Variants in TSPAN18 observed in about 807,000 individuals in gnomAD.
TSPAN18 encodes tetraspanin-18.
Under a neutral mutation model 27.3 loss-of-function variants are expected in TSPAN18, and 14 were observed. The observed-to-expected ratio is 0.51, with a 90% CI of 0.34 to 0.80. TSPAN18 has a LOEUF of 0.80. Among genes scored for constraint, TSPAN18 ranks in the 30% least tolerant of loss-of-function variants. TSPAN18 has a pLI of 0.01. For synonymous variants in TSPAN18, 143 were observed against 136.5 expected (o/e 1.05, Z -0.33); for missense variants, 268 against 323.9 (o/e 0.83, Z 1.32).
At chr11:44,878,576 TG>T (rs1304342149) in intron 3 of TSPAN18, among the ~76,000 whole-genome samples, 2 of 152,300 alleles carry the variant, frequency 1.3e-5, no homozygotes, top group Non-Finnish European at 2.9e-5. Flanking sequence ...CACGGGGCCC[TG>T]GGGTACTTCT....
At chr11:44,897,481 T>C (rs922672628) in intron 3 of TSPAN18, among the ~76,000 whole-genome samples, 8 of 152,162 alleles carry the variant, frequency 5.3e-5, no homozygotes, top group Admixed American at 2.0e-4. Context: ...ATGAAGCCCA[T>C]GCTAGAATCT....
rs835865 is a variant in TSPAN18, at chr11:44,897,776, C to T, written c.-10-8631C>T. ...GCTGGGCCGATAAAAGAAATATACACAAGCCTCGCTGACGGGAGAGTCTGT... is the reference window on the plus strand; with the variant it reads ...GCTGGGCCGATAAAAGAAATATACATAAGCCTCGCTGACGGGAGAGTCTGT... On this transcript the variant is annotated intron_variant, in intron 3 of 9. Coordinates refer to ENST00000520358, the MANE Select transcript of TSPAN18 (RefSeq NM_130783.5). The T allele has an allele frequency of 9.3e-4, 1,198 of 1,289,358 alleles. 9 individuals carry two copies. In the African/African-American group the frequency reaches 0.016, roughly 18 times the overall value. 79.9% of individuals were successfully genotyped at this position (1,289,358 alleles called of 1,614,324 possible).
At chr11:44,836,643 T>G (rs957281620) in intron 2 of TSPAN18, among the ~76,000 whole-genome samples, 2 of 152,226 alleles carry the variant, frequency 1.3e-5, no homozygotes, top group Non-Finnish European at 2.9e-5. Context: ...AGGACTTTCA[T>G]AGCTAGAGAG....
chr11:44,818,356 T>A (rs1055500131), intron 2 of TSPAN18, among the ~76,000 whole-genome samples: 1 of 152,208 alleles, frequency 6.6e-6, no homozygotes, highest in Admixed American at 6.5e-5. Flanking sequence ...CCTTCCTCTG[T>A]CCCCAGCTCT....
chr11:44,726,728 G>C (rs965543344), upstream of TSPAN18: 1 of 152,160 alleles, frequency 6.6e-6, no homozygotes, highest in African/African-American at 2.4e-5. Flanking sequence ...GGCGGAGGAA[G>C]GGGAGATGGG....
intron 3 of TSPAN18, among the ~76,000 whole-genome samples, chr11:44,894,721 G>A (rs1051953663): frequency 6.6e-6 from 1 of 152,196 alleles, no homozygotes; most frequent in Admixed American, 6.5e-5. Flanking sequence ...AGGGATGGCC[G>A]GCCTGGGCCA....
intron 1 of TSPAN18, among the ~76,000 whole-genome samples, chr11:44,755,072 T>C (rs1447268993): frequency 6.6e-6 from 1 of 152,022 alleles, no homozygotes; most frequent in Non-Finnish European, 1.5e-5. Flanking sequence ...TTAACAGCAG[T>C]TGCATTGAGA....
intron 3 of TSPAN18, among the ~76,000 whole-genome samples, chr11:44,896,550 C>T (rs2135298167): frequency 6.6e-6 from 1 of 152,202 alleles, no homozygotes; most frequent in East Asian, 1.9e-4. Flanking sequence ...TATGTTTAGG[C>T]CAAATAGGGG....
chr11:44,884,234 G>GACAA (rs1343619613), intron 3 of TSPAN18, among the ~76,000 whole-genome samples: 11 of 152,142 alleles, frequency 7.2e-5, no homozygotes, highest in African/African-American at 2.7e-4. Context: ...ATATGCTCTG[G>GACAA]ATGGGTCATT....
intron 2 of TSPAN18, among the ~76,000 whole-genome samples, chr11:44,823,904 C>T (rs1257664405): frequency 6.6e-6 from 1 of 152,120 alleles, no homozygotes; most frequent in East Asian, 1.9e-4. Context: ...AGAGGCCCCC[C>T]TCTCGGAACT....
chr11:44,760,859 A>G (rs1056219980), intron 1 of TSPAN18, among the ~76,000 whole-genome samples: 1 of 152,204 alleles, frequency 6.6e-6, no homozygotes, highest in Non-Finnish European at 1.5e-5. Flanking sequence ...AAGTGATATC[A>G]TAGTTAATTT....
chr11:44,909,524 T>G (rs1859627781), intron 4 of TSPAN18, 181 bp from the exon 5 acceptor site: 1 of 588,924 alleles, frequency 1.7e-6, no homozygotes, highest in Non-Finnish European at 2.9e-6. Context: ...CTAGAAAAAT[T>G]AAAAGCAATT....
chr11:44,778,060 G>T (rs572200167), intron 2 of TSPAN18, among the ~76,000 whole-genome samples: 2 of 152,130 alleles, frequency 1.3e-5, no homozygotes, highest in Non-Finnish European at 2.9e-5. Flanking sequence ...TGCTCCAGGT[G>T]GGGGGTGGGG....
chr11:44,768,038 GT>G (rs1381246686), intron 2 of TSPAN18, among the ~76,000 whole-genome samples: 3 of 152,138 alleles, frequency 2.0e-5, no homozygotes, highest in African/African-American at 7.2e-5. Context: ...GTAGTGTCAG[GT>G]TTTCCAACAT....
chr11:44,824,637 G>A (rs1034064726), intron 2 of TSPAN18, among the ~76,000 whole-genome samples: 61 of 152,232 alleles, frequency 4.0e-4, no homozygotes, highest in African/African-American at 1.4e-3. Flanking sequence ...AAAGCCAGGG[G>A]CCCACGGGCC....
intron 1 of TSPAN18, among the ~76,000 whole-genome samples, chr11:44,763,775 C>T (rs1855504590): frequency 1.3e-5 from 2 of 152,120 alleles, no homozygotes; most frequent in Admixed American, 6.6e-5. Context: ...TGAAAATATG[C>T]CCCCATTCAC....
intron 2 of TSPAN18, among the ~76,000 whole-genome samples, chr11:44,840,239 C>T (rs1361983315): frequency 5.3e-5 from 8 of 152,180 alleles, no homozygotes; most frequent in African/African-American, 1.9e-4. Flanking sequence ...GGGCATGGCA[C>T]AGTGCCTGGC....
chr11:44,741,275 A>G (rs538039784), intron 1 of TSPAN18, among the ~76,000 whole-genome samples: 9 of 152,322 alleles, frequency 5.9e-5, no homozygotes, highest in African/African-American at 2.2e-4. Context: ...TTCCTTCTCA[A>G]AGCAGTTTAA....
chr11:44,785,306 AT>A (rs991268917), intron 2 of TSPAN18, among the ~76,000 whole-genome samples: 37 of 151,882 alleles, frequency 2.4e-4, no homozygotes, highest in African/African-American at 3.6e-4. Flanking sequence ...TTCCCTCTTG[AT>A]TTTTTTTAAT....
Sources: allele counts gnomAD v4.1 joint callset (sites outside exome capture counted in the v4.1 genomes callset), GRCh38; gene constraint gnomAD v4.1.1; transcripts MANE v1.5; gene names NCBI Gene and HGNC (gene_info 2026-07-23, HGNC 2026-07-21).